TENM4: variants seen among roughly 807,000 people sequenced by gnomAD.
TENM4 encodes the protein teneurin-4.
A neutral mutation model predicts 243.3 loss-of-function variants in TENM4; 82 were observed. The observed-to-expected ratio is 0.34, with a 90% CI of 0.28 to 0.40. The LOEUF is 0.40. Among genes scored for constraint, TENM4 ranks in the 10% least tolerant of loss-of-function variants. The probability of loss-of-function intolerance (pLI) is 1.00; values close to 1 mark genes in which losing one functional copy is unlikely to be tolerated. For synonymous variants in TENM4, 1,412 were observed against 1,456.3 expected (o/e 0.97, Z 0.69); for missense variants, 3,138 against 3,673.3 (o/e 0.85, Z 3.77).
intron 2 of TENM4, among the ~76,000 whole-genome samples, chr11:79,249,575 C>T (rs1283701456): frequency 6.6e-6 from 1 of 152,108 alleles, no homozygotes; most frequent in African/African-American, 2.4e-5. Flanking sequence ...GGAATTATGC[C>T]AAAAAGCCTC....
intron 15 of TENM4, among the ~76,000 whole-genome samples, chr11:78,803,418 TG>T (rs1242918621): frequency 6.6e-6 from 1 of 152,208 alleles, no homozygotes; most frequent in African/African-American, 2.4e-5. Flanking sequence ...TAAAGTAACT[TG>T]CCCAAAATTA....
At chr11:78,687,609 G>A (rs1858717955) in intron 29 of TENM4, among the ~76,000 whole-genome samples, 1 of 152,150 alleles carries the variant, frequency 6.6e-6, no homozygotes, top group African/African-American at 2.4e-5. Flanking sequence ...GCAAAGAAGG[G>A]TCTCTTTTCT....
At chr11:78,825,078 CT>C (rs1857821742) in intron 12 of TENM4, among the ~76,000 whole-genome samples, 1 of 152,214 alleles carries the variant, frequency 6.6e-6, no homozygotes, top group African/African-American at 2.4e-5. Context: ...GATCAAGTCT[CT>C]ATTGACTCCA....
rs1443609003 is a variant in TENM4 at position 78,920,262 on chromosome 11, G to C, written c.494-16739C>G. ...TCTCATATGCCAGGCATTGAATCAG[G>C]CACAGAGGGCACAATGACAAACAAG... On this transcript the variant is annotated intron_variant, in intron 6 of 33. Transcript: ENST00000278550. 2.0e-5 allele frequency among the ~76,000 whole-genome samples: 3 copies of C among 152,228 alleles called. No individual in the cohort carries two copies. The East Asian group carries it at 5.8e-4, about 29-fold the overall frequency.
intron 6 of TENM4, among the ~76,000 whole-genome samples, chr11:78,980,626 G>A (rs35449431): frequency 0.085 from 13,018 of 152,264 alleles, 813 homozygotes; most frequent in Non-Finnish European, 0.13. Flanking sequence ...TAGCAGGGTG[G>A]TCAGAACATG....
At chr11:78,947,172 C>T (rs773018675) in intron 6 of TENM4, among the ~76,000 whole-genome samples, 2 of 152,172 alleles carry the variant, frequency 1.3e-5, no homozygotes, top group East Asian at 3.9e-4. Context: ...TTACAGAGTA[C>T]CCACCGTGTG....
intron 9 of TENM4, among the ~76,000 whole-genome samples, chr11:78,875,923 G>C (rs1859259601): frequency 6.6e-6 from 1 of 152,238 alleles, no homozygotes; most frequent in Non-Finnish European, 1.5e-5. Flanking sequence ...GTGGCTGGGA[G>C]CAGGGGCAAA....
At chr11:79,085,538 C>G (rs1385639520) in intron 4 of TENM4, among the ~76,000 whole-genome samples, 1 of 152,008 alleles carries the variant, frequency 6.6e-6, no homozygotes, top group East Asian at 1.9e-4. Context: ...GTATATACCA[C>G]CTTACAGGGT....
intron 6 of TENM4, among the ~76,000 whole-genome samples, chr11:78,926,472 C>T (rs1051527958): frequency 6.6e-6 from 1 of 151,936 alleles, no homozygotes; most frequent in Non-Finnish European, 1.5e-5. Context: ...CGGGGTTTCA[C>T]CATATTGGTC....
Position 78,903,359 on chromosome 11 carries a change from G to T in TENM4, c.658C>A (p.Leu220Ile). ...CCGCCGGCAGGGGGCTCTCCGGAGAGCGAGTGGTCCGTGGGGGCCGGGCTG... is the reference window on the plus strand; with the variant it reads ...CCGCCGGCAGGGGGCTCTCCGGAGATCGAGTGGTCCGTGGGGGCCGGGCTG... ...NPSPAPTDHS[L>I]SGEPPAGGAQ... is the part of the protein sequence containing the mutation. The change falls in exon 7 of 34, where the codon CTC (leucine) becomes ATC (isoleucine). Residue 220 changes from leucine to isoleucine, a missense_variant. By Grantham distance (5) the Leu-to-Ile change is conservative. This residue lies in a region of TENM4 where 671 missense variants were observed against 614.1 expected (regional missense o/e 1.09). Coordinates refer to ENST00000278550, the MANE Select transcript of TENM4 (RefSeq NM_001098816.3). 1.3e-6 allele frequency: 2 copies of T among 1,496,468 alleles called. No homozygotes were observed. Among genetic ancestry groups the T allele is most frequent in the Non-Finnish European group, 8.9e-7 (1 of 1,123,484 alleles). 92.7% of individuals were successfully genotyped at this position (1,496,468 alleles called of 1,614,324 possible).
chr11:79,333,384 G>A (rs140129102), intron 1 of TENM4, among the ~76,000 whole-genome samples: 125 of 152,244 alleles, frequency 8.2e-4, no homozygotes, highest in African/African-American at 2.9e-3. Context: ...AATACCTGGG[G>A]TCTTTCATTT....
chr11:78,754,999 C>G (rs570823158), intron 19 of TENM4, among the ~76,000 whole-genome samples: 6 of 152,226 alleles, frequency 3.9e-5, no homozygotes, highest in Non-Finnish European at 8.8e-5. Context: ...CCGAGTCTGA[C>G]AGACCTGCAT....
chr11:78,676,242 C>G lies in TENM4; in HGVS notation c.5406G>C (p.Leu1802=). 2 of 1,609,688 alleles carry G rather than the reference C, an allele frequency of 1.2e-6. No homozygotes were observed. Among genetic ancestry groups the G allele is most frequent in the Non-Finnish European group, 8.5e-7 (1 of 1,177,334 alleles). Residue 1802 remains leucine, a synonymous_variant, in exon 30 of 34, where the codon CTG becomes CTC. Transcript: ENST00000278550. ...CCAGGTTGAGGCCGTTGTCGATGGG[C>G]AGCGTGACATTCCTCTTGCCCACGG... The part of the protein sequence containing the change: ...NPTVGKRNVT[L]PIDNGLNLVE...
At chr11:79,352,462 T>C (rs1391371004) in intron 1 of TENM4, among the ~76,000 whole-genome samples, 1 of 152,190 alleles carries the variant, frequency 6.6e-6, no homozygotes, top group Admixed American at 6.5e-5. Context: ...GACCTGCTCC[T>C]TCCAAATGGG....
At chr11:79,334,332 CT>C (rs1056816817) in intron 1 of TENM4, among the ~76,000 whole-genome samples, 2 of 152,184 alleles carry the variant, frequency 1.3e-5, no homozygotes, top group African/African-American at 4.8e-5. Flanking sequence ...GCTGAGTGCC[CT>C]GACCTAGGCC....
intron 19 of TENM4, among the ~76,000 whole-genome samples, chr11:78,752,164 T>G (rs1399771440): frequency 6.6e-6 from 1 of 152,212 alleles, no homozygotes; most frequent in Non-Finnish European, 1.5e-5. Flanking sequence ...TCATTAAACC[T>G]GCATTAAACA....
At chr11:78,776,753 G>T (rs1318040551) in intron 17 of TENM4, among the ~76,000 whole-genome samples, 1 of 152,118 alleles carries the variant, frequency 6.6e-6, no homozygotes, top group Non-Finnish European at 1.5e-5. Flanking sequence ...TAAAGTTCTG[G>T]TGATGATATT....
Position 79,024,963 on chromosome 11 carries a change from G to T in TENM4, c.493+39775C>A, listed in dbSNP as rs1211972649. ...CCAATTCCTCCCTCAGAAGAAGGGGGAAGATGTTAGGATATGCCTCTCTTG... is the reference window on the plus strand; with the variant it reads ...CCAATTCCTCCCTCAGAAGAAGGGGTAAGATGTTAGGATATGCCTCTCTTG... On this transcript the variant is annotated intron_variant, in intron 6 of 33. Transcript: ENST00000278550. 3.3e-5 allele frequency among the ~76,000 whole-genome samples: 5 copies of T among 152,202 alleles called. No individual in the cohort carries two copies. The East Asian group carries it at 7.7e-4, about 24-fold the overall frequency.
chr11:79,060,590 G>T (rs1465916061), intron 6 of TENM4, among the ~76,000 whole-genome samples: 1 of 152,176 alleles, frequency 6.6e-6, no homozygotes, highest in African/African-American at 2.4e-5. Context: ...CTGAGAACTT[G>T]GTTGCACATT....
Sources: allele counts gnomAD v4.1 joint callset (sites outside exome capture counted in the v4.1 genomes callset), GRCh38; gene constraint gnomAD v4.1.1; regional missense constraint gnomAD v4.1.1; transcripts MANE v1.5; gene names NCBI Gene and HGNC (gene_info 2026-07-23, HGNC 2026-07-21).